Variants in TEAD1 observed in about 807,000 individuals in gnomAD.
The protein encoded by TEAD1 is transcriptional enhancer factor TEF-1.
In TEAD1, 9 loss-of-function variants were observed where a neutral mutation model predicts 54.9. The observed-to-expected ratio is 0.16, with a 90% CI of 0.10 to 0.29. The LOEUF is 0.29. Ranked by LOEUF, TEAD1 falls within the 10% of genes least tolerant of loss-of-function variation. TEAD1 has a pLI of 1.00. For synonymous variants in TEAD1, 200 were observed against 187.8 expected, an observed-to-expected ratio of 1.07 and a Z score of -0.53; for missense variants, 387 against 535.9, an observed-to-expected ratio of 0.72 and a Z score of 2.74.
intron 4 of TEAD1, among the ~76,000 whole-genome samples, chr11:12,863,695 G>C (rs917352351): frequency 3.3e-5 from 5 of 152,130 alleles, no homozygotes; most frequent in African/African-American, 7.2e-5. Flanking sequence ...CATTCTGACA[G>C]TGCGGGACCT....
At chr11:12,752,142 A>G (rs1160714580) in intron 2 of TEAD1, among the ~76,000 whole-genome samples, 2 of 151,782 alleles carry the variant, frequency 1.3e-5, no homozygotes, top group South Asian at 4.2e-4. Flanking sequence ...AAAAAAGGCA[A>G]ATGTATTCAG....
intron 3 of TEAD1, among the ~76,000 whole-genome samples, chr11:12,830,761 C>T (rs1470878796): frequency 3.4e-5 from 5 of 147,242 alleles, no homozygotes; most frequent in African/African-American, 1.3e-4. Flanking sequence ...CACACATGCA[C>T]GCACACGCAC....
At chr11:12,764,462 A>T (rs1378500532) in intron 3 of TEAD1, 28 bp downstream of exon 3, 1 of 1,612,510 alleles carries the variant, frequency 6.2e-7, no homozygotes, top group Non-Finnish European at 8.5e-7. Context: ...CTCCTTTGAA[A>T]TACTACAACC....
chr11:12,893,373 G>A (rs569508218), intron 9 of TEAD1, among the ~76,000 whole-genome samples: 101 of 152,242 alleles, frequency 6.6e-4, no homozygotes, highest in Non-Finnish European at 1.1e-3. Context: ...AGCCACCTGC[G>A]AGCCCCTCCC....
At chr11:12,842,602 A>G (rs559746487) in intron 3 of TEAD1, among the ~76,000 whole-genome samples, 1 of 152,322 alleles carries the variant, frequency 6.6e-6, no homozygotes, top group African/African-American at 2.4e-5. Flanking sequence ...CATGAGCTCC[A>G]GAAAATTGCT....
intron 10 of TEAD1, among the ~76,000 whole-genome samples, chr11:12,906,457 C>T (rs912742353): frequency 1.3e-5 from 2 of 150,860 alleles, no homozygotes; most frequent in Admixed American, 6.6e-5. Flanking sequence ...AGGAGAATGG[C>T]GTGAACCTGG....
chr11:12,872,406 C>T (rs1947767440), intron 5 of TEAD1, among the ~76,000 whole-genome samples: 1 of 152,232 alleles, frequency 6.6e-6, no homozygotes, highest in Non-Finnish European at 1.5e-5. Flanking sequence ...TATAATCTTT[C>T]CTGGCATTTC....
chr11:12,793,145 T>C (rs548464066), intron 3 of TEAD1, among the ~76,000 whole-genome samples: 2 of 152,124 alleles, frequency 1.3e-5, no homozygotes, highest in Middle Eastern at 3.4e-3. Context: ...TTTATAAATA[T>C]ACGTTATTCA....
At chr11:12,779,068 A>C (rs184747655) in intron 3 of TEAD1, among the ~76,000 whole-genome samples, 153 of 152,236 alleles carry the variant, frequency 1.0e-3, no homozygotes, top group Non-Finnish European at 8.2e-4. Flanking sequence ...ACTGGACATA[A>C]TATGTTTGTA....
In TEAD1 at chr11:12,889,677, A is replaced by G. The variant is rs548578017; in HGVS notation, c.699+6552A>G. Among the ~76,000 whole-genome samples, 4 of 152,338 alleles carry G rather than the reference A, an allele frequency of 2.6e-5. No homozygotes were observed. In the South Asian group the frequency reaches 8.3e-4, roughly 32 times the overall value. ...ATACAGTAGAGGAACAAACCCGATC[A>G]GGGAAGGCACACGTTTGCTCAACAT... is the stretch of plus-strand genomic sequence containing the variant. On this transcript the variant is annotated intron_variant, in intron 9 of 12. Transcript: ENST00000527636.
intron 3 of TEAD1, among the ~76,000 whole-genome samples, chr11:12,858,069 C>G (rs1411374549): frequency 6.6e-6 from 1 of 152,254 alleles, no homozygotes; most frequent in South Asian, 2.1e-4. Flanking sequence ...CGTGCCACTG[C>G]ACTCCAGCCA....
intron 3 of TEAD1, among the ~76,000 whole-genome samples, chr11:12,793,150 T>C (rs1334060418): frequency 6.6e-6 from 1 of 152,166 alleles, no homozygotes; most frequent in Non-Finnish European, 1.5e-5. Flanking sequence ...AAATATACGT[T>C]ATTCAACCGG....
intron 2 of TEAD1, among the ~76,000 whole-genome samples, chr11:12,716,124 T>C (rs958038477): frequency 1.3e-5 from 2 of 151,900 alleles, no homozygotes; most frequent in African/African-American, 2.4e-5. Context: ...GCGGGCTCTT[T>C]GTCTGTCGGC....
intron 9 of TEAD1, among the ~76,000 whole-genome samples, chr11:12,895,199 A>ACCCCCC (rs547810779): frequency 6.7e-6 from 1 of 150,006 alleles, no homozygotes; most frequent in African/African-American, 2.5e-5. Context: ...TCCTTTATTA[A>ACCCCCC]CCCCCCCCGG....
intron 2 of TEAD1, among the ~76,000 whole-genome samples, chr11:12,734,065 A>T (rs1469352487): frequency 6.6e-6 from 1 of 152,098 alleles, no homozygotes; most frequent in Admixed American, 6.5e-5. Context: ...GACTACTGGC[A>T]TGCACCACCA....
At chr11:12,772,787 C>T (rs886598086) in intron 3 of TEAD1, among the ~76,000 whole-genome samples, 7 of 152,058 alleles carry the variant, frequency 4.6e-5, no homozygotes, top group Admixed American at 1.3e-4. Context: ...CCCAGTGATA[C>T]GACTCAGATT....
intron 2 of TEAD1, among the ~76,000 whole-genome samples, chr11:12,761,095 A>G (rs1353543196): frequency 1.3e-5 from 2 of 152,176 alleles, no homozygotes; most frequent in African/African-American, 4.8e-5. Context: ...TTTGCAGTAA[A>G]CGAATAAAAA....
At chr11:12,932,180 A>G (rs1008298222) in intron 12 of TEAD1, among the ~76,000 whole-genome samples, 1 of 152,206 alleles carries the variant, frequency 6.6e-6, no homozygotes, top group African/African-American at 2.4e-5. Context: ...CTTTAATAAC[A>G]TTGATCAGTA....
At chr11:12,714,205 C>T (rs1014326786) in intron 2 of TEAD1, among the ~76,000 whole-genome samples, 1 of 152,126 alleles carries the variant, frequency 6.6e-6, no homozygotes, top group African/African-American at 2.4e-5. Context: ...CAGTCACATC[C>T]AGGGCTGCTC....
Sources: gnomAD v4.1 joint callset for allele counts (sites outside exome capture counted in the v4.1 genomes callset) on GRCh38, gnomAD v4.1.1 for gene constraint, MANE v1.5 for transcripts, NCBI Gene and HGNC (gene_info 2026-07-23, HGNC 2026-07-21) for gene names.